Variants in CPED1 observed in about 807,000 individuals in gnomAD.
CPED1 encodes the protein cadherin-like and PC-esterase domain-containing protein 1.
In CPED1, 114 loss-of-function variants were observed where a neutral mutation model predicts 128.2. The observed-to-expected ratio is 0.89, with a 90% CI of 0.76 to 1.04. The LOEUF (loss-of-function observed/expected upper bound fraction) is 1.04. Among genes scored for constraint, CPED1 ranks in the 50% least tolerant of loss-of-function variants. CPED1 has a pLI of 0.00. For missense variants in CPED1, 1,211 were observed against 1,207.1 expected, an observed-to-expected ratio of 1.00 and a Z score of -0.05; for synonymous variants, 462 against 426.7, an observed-to-expected ratio of 1.08 and a Z score of -1.02.
At chr7:121,084,263 A>G (rs1794367610) in intron 5 of CPED1, among the ~76,000 whole-genome samples, 1 of 152,222 alleles carries the variant, frequency 6.6e-6, no homozygotes, top group Admixed American at 6.5e-5. Flanking sequence ...TTGATCCAGA[A>G]TGAAATATCT....
At chr7:121,047,681 TCTTCTTCTTCTTCTTCTTCTTCTTCTTC>T (rs1793239323) in intron 4 of CPED1, among the ~76,000 whole-genome samples, 1 of 23,602 alleles carries the variant, frequency 4.2e-5, no homozygotes, top group African/African-American at 1.6e-4. Context: ...TTCTTCTTCT[TCTTCTTCTTCTTCTTCTTCTTCTTCTTC>T]TTCTTCTTTT....
chr7:121,257,740 G>A (rs1032598993), intron 18 of CPED1, among the ~76,000 whole-genome samples: 5 of 151,890 alleles, frequency 3.3e-5, no homozygotes, highest in Non-Finnish European at 7.4e-5. Flanking sequence ...AAACAATCCT[G>A]TAATTTTTCT....
chr7:121,018,728 A>G (rs573715243), intron 3 of CPED1, among the ~76,000 whole-genome samples: 59 of 152,164 alleles, frequency 3.9e-4, no homozygotes, highest in African/African-American at 1.4e-3. Context: ...CTTAGAGTAG[A>G]TTCTATCATT....
At chr7:121,019,126 G>A (rs1048101415) in intron 3 of CPED1, among the ~76,000 whole-genome samples, 23 of 151,998 alleles carry the variant, frequency 1.5e-4, no homozygotes, top group Non-Finnish European at 2.8e-4. Context: ...TGAAAAGGAA[G>A]AAGTAGGCAG....
At chr7:121,058,503 C>A (rs1427149142) in intron 4 of CPED1, among the ~76,000 whole-genome samples, 1 of 152,108 alleles carries the variant, frequency 6.6e-6, no homozygotes, top group Non-Finnish European at 1.5e-5. Context: ...CAGGCACCAT[C>A]CCAAGTGCTT....
At chr7:121,086,221 T>A (rs186603169) in intron 5 of CPED1, among the ~76,000 whole-genome samples, 10 of 152,312 alleles carry the variant, frequency 6.6e-5, no homozygotes, top group African/African-American at 2.2e-4. Flanking sequence ...ACTGTATTTG[T>A]AGCAGGCTAT....
chr7:121,153,781 G>C (rs946663414), intron 16 of CPED1, among the ~76,000 whole-genome samples: 4 of 139,352 alleles, frequency 2.9e-5, no homozygotes, highest in Non-Finnish European at 6.3e-5. Flanking sequence ...CATGGGTGTA[G>C]TTATAAGCGG....
At chr7:121,227,304 A>G (rs966820749) in intron 16 of CPED1, among the ~76,000 whole-genome samples, 2 of 151,982 alleles carry the variant, frequency 1.3e-5, no homozygotes, top group Admixed American at 1.3e-4. Context: ...AATAGCTTCA[A>G]TCAGAAGCCG....
At chr7:121,017,712 C>A (rs1792336862) in intron 3 of CPED1, among the ~76,000 whole-genome samples, 1 of 152,106 alleles carries the variant, frequency 6.6e-6, no homozygotes, top group African/African-American at 2.4e-5. Context: ...TCTCCAGCTG[C>A]AAAACAGATG....
chr7:121,116,138 A>G (rs1795229666), intron 7 of CPED1, among the ~76,000 whole-genome samples: 1 of 152,232 alleles, frequency 6.6e-6, no homozygotes, highest in Non-Finnish European at 1.5e-5. Flanking sequence ...GTTTTCAGCT[A>G]TGAAACTGAT....
At chr7:121,125,103 G>A (rs1383613744) in intron 8 of CPED1, among the ~76,000 whole-genome samples, 2 of 152,040 alleles carry the variant, frequency 1.3e-5, no homozygotes, top group Non-Finnish European at 2.9e-5. Context: ...AGTTTAATGT[G>A]TTATGAATAT....
chr7:121,239,367 A>AT (rs1457193432), intron 17 of CPED1, among the ~76,000 whole-genome samples: 4 of 151,906 alleles, frequency 2.6e-5, no homozygotes, highest in African/African-American at 4.8e-5. Context: ...ATTGATTTCT[A>AT]TTTTTTAGGA....
At chr7:121,273,898 A>G (rs1326466924) in intron 22 of CPED1, among the ~76,000 whole-genome samples, 1 of 152,196 alleles carries the variant, frequency 6.6e-6, no homozygotes, top group Non-Finnish European at 1.5e-5. Context: ...AAGATCTTGC[A>G]GCTGAGCCAG....
chr7:121,021,501 C>CT (rs1792441912), intron 3 of CPED1, among the ~76,000 whole-genome samples: 2 of 151,894 alleles, frequency 1.3e-5, no homozygotes, highest in Non-Finnish European at 2.9e-5. Flanking sequence ...TCACATTTTT[C>CT]TTTTTATTTG....
chr7:121,163,983 A>G (rs1421684125), intron 16 of CPED1, among the ~76,000 whole-genome samples: 1 of 152,226 alleles, frequency 6.6e-6, no homozygotes, highest in Non-Finnish European at 1.5e-5. Flanking sequence ...TAAAACCTCA[A>G]TAATCTAAAC....
chr7:121,289,700 C>T (rs927208770), intron 22 of CPED1, among the ~76,000 whole-genome samples: 7 of 152,036 alleles, frequency 4.6e-5, no homozygotes, highest in Admixed American at 3.9e-4. Context: ...GCTAGAATTA[C>T]TTTCATTAGT....
chr7:121,154,270 T>C (rs770795773), intron 16 of CPED1, among the ~76,000 whole-genome samples: 1 of 152,194 alleles, frequency 6.6e-6, no homozygotes, highest in Non-Finnish European at 1.5e-5. Flanking sequence ...CTCTTTCTAA[T>C]TTGGATGCCC....
Position 121,069,874 on chromosome 7 carries a change from C to T in CPED1, c.616+5561C>T, listed in dbSNP as rs569698726. On this transcript the variant is annotated intron_variant, in intron 5 of 22. Transcript: ENST00000310396. ...GTTTTTGTTCTTTTTAGTACAGCATCGCCATCTAAAAAATCCTGGTTAAAA... is the reference window on the plus strand; with the variant it reads ...GTTTTTGTTCTTTTTAGTACAGCATTGCCATCTAAAAAATCCTGGTTAAAA... Among the ~76,000 whole-genome samples the T allele has an allele frequency of 1.2e-4, 18 of 152,172 alleles. 1 individual carries two copies. The highest frequency in any genetic ancestry group is 3.9e-4 in the African/African-American group (16 of 41,540).
At chr7:121,157,961 T>C (rs1210411869) in intron 16 of CPED1, among the ~76,000 whole-genome samples, 2 of 152,172 alleles carry the variant, frequency 1.3e-5, no homozygotes, top group African/African-American at 4.8e-5. Context: ...GGTTAAATCT[T>C]AGTGGCATTG....
Sources: gnomAD v4.1 joint callset for allele counts (sites outside exome capture counted in the v4.1 genomes callset) on GRCh38, gnomAD v4.1.1 for gene constraint, MANE v1.5 for transcripts, NCBI Gene and HGNC (gene_info 2026-07-23, HGNC 2026-07-21) for gene names.